NTM: variants seen among roughly 807,000 people sequenced by gnomAD.
NTM encodes the protein neurotrimin.
Under a neutral mutation model 42.1 loss-of-function variants are expected in NTM, and 13 were observed. That is an observed-to-expected ratio of 0.31 (90% CI 0.20 to 0.49). The LOEUF is 0.49. Among genes scored for constraint, NTM ranks in the 20% least tolerant of loss-of-function variants. The pLI is 0.99. For synonymous variants in NTM, 187 were observed against 179.2 expected (o/e 1.04, Z -0.35); for missense variants, 373 against 452.8 (o/e 0.82, Z 1.60).
In NTM at chr11:132,074,567, A is replaced by G. The variant is rs186597365; in HGVS notation, c.168-71715A>G. On this transcript the variant is annotated intron_variant, in intron 2 of 8. Coordinates refer to ENST00000683400, the MANE Select transcript of NTM (RefSeq NM_001352005.2). ...TTTTTTTTTTAGGATTAAGAGAAAT[A>G]GAAAAATGGGCACCATGTTCAACAT... Among the ~76,000 whole-genome samples the G allele has an allele frequency of 1.2e-3, 187 of 152,206 alleles. 2 individuals carry two copies. Among genetic ancestry groups the G allele is most frequent in the African/African-American group, 4.4e-3 (183 of 41,526 alleles).
At chr11:131,541,735 A>G (rs955947083) in intron 1 of NTM, among the ~76,000 whole-genome samples, 1 of 152,258 alleles carries the variant, frequency 6.6e-6, no homozygotes, top group Admixed American at 6.5e-5. Flanking sequence ...TACAATAGCC[A>G]TCTAAGGAGT....
chr11:131,911,433 G>T, intron 1 of NTM, 131 bp from the exon 2 acceptor site: 1 of 1,613,146 alleles, frequency 6.2e-7, no homozygotes, highest in Non-Finnish European at 8.5e-7. Context: ...CGCCCGGGGG[G>T]CGTGTGCCGT....
intron 1 of NTM, among the ~76,000 whole-genome samples, chr11:131,525,478 A>G (rs921930378): frequency 2.0e-5 from 3 of 152,192 alleles, no homozygotes; most frequent in African/African-American, 7.2e-5. Flanking sequence ...TGCAGGGGCC[A>G]CACCAGCATT....
intron 1 of NTM, among the ~76,000 whole-genome samples, chr11:131,611,230 G>T (rs993493158): frequency 6.6e-6 from 1 of 152,184 alleles, no homozygotes; most frequent in Non-Finnish European, 1.5e-5. Context: ...AGAGGAGCTG[G>T]CTTTAGGAGG....
rs528787146 is a variant in NTM, at chr11:132,307,601, A to T, written c.527-88A>T. On this transcript the variant is annotated intron_variant, in intron 4 of 8. Coordinates refer to ENST00000683400, the MANE Select transcript of NTM (RefSeq NM_001352005.2). ...TACAACTGGCAAATTATCTGCAGAC[A>T]TAACCATTTTATACTTTGTTTTCTA... 115 of 1,561,272 alleles carry T rather than the reference A, an allele frequency of 7.4e-5. No homozygotes were observed. In the South Asian group the frequency reaches 1.3e-3, roughly 17 times the overall value.
At chr11:131,981,027 G>A (rs925821554) in intron 2 of NTM, 1 of 152,148 alleles carries the variant, frequency 6.6e-6, no homozygotes, top group Non-Finnish European at 1.5e-5. Flanking sequence ...TTTATAATAA[G>A]TTTAAATGAG....
intron 1 of NTM, among the ~76,000 whole-genome samples, chr11:131,883,744 G>C (rs545042011): frequency 6.6e-6 from 1 of 152,244 alleles, no homozygotes; most frequent in African/African-American, 2.4e-5. Context: ...AAAACCAGGC[G>C]TGGTTTCCCT....
At chr11:131,541,311 A>G (rs2053214020) in intron 1 of NTM, among the ~76,000 whole-genome samples, 1 of 152,214 alleles carries the variant, frequency 6.6e-6, no homozygotes, top group Non-Finnish European at 1.5e-5. Flanking sequence ...GCTGTTAAAC[A>G]TCACCAAAGA....
chr11:131,809,725 T>C (rs2092659694), intron 1 of NTM, among the ~76,000 whole-genome samples: 1 of 152,252 alleles, frequency 6.6e-6, no homozygotes, highest in Non-Finnish European at 1.5e-5. Flanking sequence ...CAGCAATTTC[T>C]GCTAACGGCA....
chr11:131,398,682 T>A (rs1944815173), intron 1 of NTM, among the ~76,000 whole-genome samples: 1 of 152,198 alleles, frequency 6.6e-6, no homozygotes, highest in Non-Finnish European at 1.5e-5. Context: ...TATTCCACTG[T>A]TATGATTATT....
intron 4 of NTM, among the ~76,000 whole-genome samples, chr11:132,286,855 C>A (rs746756721): frequency 6.6e-6 from 1 of 152,186 alleles, no homozygotes; most frequent in Non-Finnish European, 1.5e-5. Context: ...GCCATCTGTT[C>A]GCAGGATCCC....
intron 1 of NTM, among the ~76,000 whole-genome samples, chr11:131,895,656 T>A (rs1382703110): frequency 6.6e-6 from 1 of 151,990 alleles, no homozygotes; most frequent in South Asian, 2.1e-4. Flanking sequence ...ATATATATAT[T>A]ATTTCACATT....
chr11:131,605,309 G>C (rs954863936), intron 1 of NTM, among the ~76,000 whole-genome samples: 1 of 152,144 alleles, frequency 6.6e-6, no homozygotes, highest in African/African-American at 2.4e-5. Context: ...TACTCTTTTT[G>C]ATGTTGTTGT....
At chr11:131,992,586 T>C (rs1182891195) in intron 2 of NTM, among the ~76,000 whole-genome samples, 1 of 152,128 alleles carries the variant, frequency 6.6e-6, no homozygotes, top group Non-Finnish European at 1.5e-5. Flanking sequence ...TTTTTTATTC[T>C]CCTCTTTATG....
intron 1 of NTM, among the ~76,000 whole-genome samples, chr11:131,765,866 T>G (rs1315785447): frequency 6.6e-6 from 1 of 152,218 alleles, no homozygotes; most frequent in African/African-American, 2.4e-5. Flanking sequence ...GCCCTGAGTA[T>G]ACACTCCCAT....
At chr11:131,483,309 C>G (rs1953809672) in intron 1 of NTM, among the ~76,000 whole-genome samples, 2 of 152,176 alleles carry the variant, frequency 1.3e-5, no homozygotes, top group Admixed American at 6.5e-5. Context: ...AAGAAGTCCC[C>G]TACTCTCTGT....
chr11:132,085,226 C>T (rs1433895265), intron 2 of NTM, among the ~76,000 whole-genome samples: 1 of 152,202 alleles, frequency 6.6e-6, no homozygotes, highest in African/African-American at 2.4e-5. Context: ...TGTTCTTATA[C>T]ACCTTGCATG....
chr11:132,170,008 C>T (rs2075896566), intron 3 of NTM, among the ~76,000 whole-genome samples: 1 of 152,176 alleles, frequency 6.6e-6, no homozygotes, highest in South Asian at 2.1e-4. Flanking sequence ...TCGCTCTTCA[C>T]TCTGGGATGG....
At chr11:131,732,574 C>T (rs2079833507) in intron 1 of NTM, among the ~76,000 whole-genome samples, 1 of 152,170 alleles carries the variant, frequency 6.6e-6, no homozygotes, top group Non-Finnish European at 1.5e-5. Flanking sequence ...GATGAAACGC[C>T]CCCAAACTTT....
Sources: allele counts gnomAD v4.1 joint callset (sites outside exome capture counted in the v4.1 genomes callset), GRCh38; gene constraint gnomAD v4.1.1; transcripts MANE v1.5; gene names NCBI Gene and HGNC (gene_info 2026-07-23, HGNC 2026-07-21).